The following TMOD2 variants were observed in gnomAD, a reference collection of about 807,000 sequenced individuals.
TMOD2 encodes tropomodulin-2.
TMOD2 carries 22 observed loss-of-function variants against 39.9 expected under a neutral mutation model. The observed-to-expected ratio is 0.55, with a 90% confidence interval of 0.39 to 0.79. TMOD2 has a LOEUF of 0.79. TMOD2 is among the 30% of genes least tolerant of loss of function. The pLI, the probability that TMOD2 is intolerant of heterozygous loss-of-function variation, is 0.00. For missense variants in TMOD2, 386 were observed against 413.3 expected, an observed-to-expected ratio of 0.93 and a Z score of 0.57; for synonymous variants, 123 against 146.1, an observed-to-expected ratio of 0.84 and a Z score of 1.14.
rs574175356 is a variant in TMOD2 at position 51,809,703 on chromosome 15, C to T, written c.*1249C>T. On this transcript the variant is annotated 3_prime_UTR_variant, in exon 10 of 10. Transcript: ENST00000249700. Reference sequence around the variant, plus strand: ...TGTGATTGGTGACATTCTGACACTGCCCAAGGCAACTCACCCTCTATTCCT... The same window carrying T: ...TGTGATTGGTGACATTCTGACACTGTCCAAGGCAACTCACCCTCTATTCCT... 2.6e-5 allele frequency: 4 copies of T among 152,278 alleles called. No individual in the cohort carries two copies. Among genetic ancestry groups the T allele is most frequent in the Non-Finnish European group, 4.4e-5 (3 of 68,018 alleles). The allele number at this position is 152,278 out of a possible 1,614,324, so 9.4% of individuals were successfully genotyped here.
At position 51,812,790 on chromosome 15, in the gene TMOD2, A is replaced by T. The variant is rs2056164476; in HGVS notation, c.*4336A>T. The T allele has an allele frequency of 1.3e-5, 2 of 152,308 alleles. No individual in the cohort carries two copies. Among genetic ancestry groups the T allele is most frequent in the South Asian group, 4.2e-4 (2 of 4,804 alleles). 9.4% of individuals were successfully genotyped at this position (152,308 alleles called of 1,614,324 possible). A position where few individuals can be genotyped will look rare whatever the true frequency, so the allele number is the denominator to read the frequency against. On this transcript the variant is annotated 3_prime_UTR_variant, in exon 10 of 10. Coordinates refer to ENST00000249700, the MANE Select transcript of TMOD2 (RefSeq NM_014548.4). ...GCTTCCTTCCCCTCTTCCACTAATGATGCAATAATAGCTGTTTTCATTTTA... is the reference window on the plus strand; with the variant it reads ...GCTTCCTTCCCCTCTTCCACTAATGTTGCAATAATAGCTGTTTTCATTTTA...
At chr15:51,785,528 G>A (rs890147905) in intron 7 of TMOD2, among the ~76,000 whole-genome samples, 2 of 151,814 alleles carry the variant, frequency 1.3e-5, no homozygotes, top group Non-Finnish European at 2.9e-5. Context: ...CAGCACCATG[G>A]ATGGGACTGG....
chr15:51,790,587 TTGATG>T (rs1172560804), intron 7 of TMOD2, among the ~76,000 whole-genome samples: 2 of 152,198 alleles, frequency 1.3e-5, no homozygotes, highest in Non-Finnish European at 2.9e-5. Context: ...ATGATGAACA[TTGATG>T]TGAAAATCCT....
intron 8 of TMOD2, among the ~76,000 whole-genome samples, chr15:51,800,442 G>A (rs751737761): frequency 1.3e-4 from 20 of 152,096 alleles, no homozygotes; most frequent in Non-Finnish European, 1.9e-4. Context: ...AGGCTGAGGC[G>A]TGAGAATCAC....
In TMOD2 at chr15:51,768,482, G is replaced by A. The variant is rs150122337; in HGVS notation, c.283+64G>A. The A allele has an allele frequency of 5.7e-5, 84 of 1,482,470 alleles. No homozygotes were observed. The African/African-American group carries it at 9.8e-4, about 17-fold the overall frequency. 91.8% of individuals were successfully genotyped at this position (1,482,470 alleles called of 1,614,324 possible). ...TCTCTTTTTTTTTTTTGGAACGGAG[G>A]CACTCTTAATTAAGATTACCTCTTT... On this transcript the variant is annotated intron_variant, in intron 3 of 9. Transcript: ENST00000249700.
In TMOD2 at chr15:51,762,328, G is replaced by A. The variant is rs117173774; in HGVS notation, c.-69-4045G>A. ...AAAAAAAATAGCCCGGCATGGTGGT[G>A]CACACCTGTAGTCCTAGCTACTTAG... is the stretch of plus-strand genomic sequence containing the variant. On this transcript the variant is annotated intron_variant, in intron 1 of 9. Transcript: ENST00000249700. Among the ~76,000 whole-genome samples, 534 of 152,068 alleles carry A rather than the reference G, an allele frequency of 3.5e-3. 21 individuals are homozygous for A. In the East Asian group the frequency reaches 0.075, roughly 21 times the overall value.
rs912178975 is a variant in TMOD2, at chr15:51,810,864, T to C, written c.*2410T>C. ...TGTGGGCTGGGGGCTAAAGCAGTTC[T>C]TGGCAAACTCTGGCAGAAAGCAAGA... On this transcript the variant is annotated 3_prime_UTR_variant, in exon 10 of 10. Transcript: ENST00000249700. 1.3e-5 allele frequency: 2 copies of C among 151,976 alleles called. No homozygotes were observed. The highest frequency in any genetic ancestry group is 1.3e-4 in the Admixed American group (2 of 15,250). 9.4% of individuals were successfully genotyped at this position (151,976 alleles called of 1,614,324 possible). A position where few individuals can be genotyped will look rare whatever the true frequency, so the allele number is the denominator to read the frequency against.
intron 3 of TMOD2, among the ~76,000 whole-genome samples, chr15:51,769,343 C>A (rs1446772328): frequency 6.6e-6 from 1 of 152,092 alleles, no homozygotes; most frequent in East Asian, 1.9e-4. Flanking sequence ...GCACTGCATC[C>A]CTAACCTTAG....
At chr15:51,785,283 G>C (rs1172594725) in intron 7 of TMOD2, among the ~76,000 whole-genome samples, 2 of 151,740 alleles carry the variant, frequency 1.3e-5, no homozygotes, top group African/African-American at 2.4e-5. Flanking sequence ...GCGGTGGCGG[G>C]CGCCTGTAGT....
intron 3 of TMOD2, among the ~76,000 whole-genome samples, chr15:51,769,546 C>A (rs578213536): frequency 6.6e-6 from 1 of 152,270 alleles, no homozygotes; most frequent in South Asian, 2.1e-4. Flanking sequence ...GTTGTTTTTC[C>A]ATGCCAGGAT....
Position 51,816,055 on chromosome 15 carries a change from T to C in TMOD2, c.*7601T>C, listed in dbSNP as rs2056186678. 1 of 152,244 alleles carries C rather than the reference T, an allele frequency of 6.6e-6. No homozygotes were observed. Among genetic ancestry groups the C allele is most frequent in the Non-Finnish European group, 1.5e-5 (1 of 68,034 alleles). 9.4% of individuals were successfully genotyped at this position (152,244 alleles called of 1,614,324 possible). On this transcript the variant is annotated 3_prime_UTR_variant, in exon 10 of 10. Transcript: ENST00000249700. ...ATTAGGGAATTAAAGACTAATTTGC[T>C]TTTTAAATGTGAAGTTGAACACTGT...
At chr15:51,793,425 A>C (rs988207858) in intron 7 of TMOD2, among the ~76,000 whole-genome samples, 1 of 152,214 alleles carries the variant, frequency 6.6e-6, no homozygotes, top group African/African-American at 2.4e-5. Context: ...GCACATTTCA[A>C]ATCAGACTAA....
intron 1 of TMOD2, among the ~76,000 whole-genome samples, chr15:51,765,714 C>T (rs1302979343): frequency 2.0e-5 from 3 of 151,896 alleles, no homozygotes; most frequent in Non-Finnish European, 4.4e-5. Context: ...AGAATGAATA[C>T]GTAGAACAAA....
At chr15:51,773,894 G>C (rs2055870469) in intron 4 of TMOD2, 60 bp downstream of exon 4, 1 of 1,532,910 alleles carries the variant, frequency 6.5e-7, no homozygotes, top group African/African-American at 1.4e-5. Context: ...GCATGCACTG[G>C]CACCCATGGC....
At chr15:51,777,441 A>G (rs1256809939) in intron 5 of TMOD2, among the ~76,000 whole-genome samples, 1 of 152,150 alleles carries the variant, frequency 6.6e-6, no homozygotes, top group Non-Finnish European at 1.5e-5. Flanking sequence ...TTTTTGTCTC[A>G]ATAATAGATG....
In TMOD2 at chr15:51,752,110, C is replaced by A. The variant is rs967283902; in HGVS notation, c.-70+398C>A. 2.6e-5 allele frequency among the ~76,000 whole-genome samples: 4 copies of A among 152,052 alleles called. No individual in the cohort carries two copies. The East Asian group carries it at 7.8e-4, about 30-fold the overall frequency. The stretch of plus-strand genomic sequence containing the variant: ...CCTTCCTGTGCATGTTTGGTGAGCT[C>A]CTGGAGCGGTATGCATCTCCCTGCC... On this transcript the variant is annotated intron_variant, in intron 1 of 9. Coordinates refer to ENST00000249700, the MANE Select transcript of TMOD2 (RefSeq NM_014548.4).
chr15:51,794,225 G>A lies in TMOD2; in HGVS notation c.733-3972G>A, dbSNP rs139762587. Reference sequence around the variant, plus strand: ...ACACAGGACAGCCTCCCACAACAAAGAATTCTTTGGCCCCAAGTGTCAGTC... The same window carrying A: ...ACACAGGACAGCCTCCCACAACAAAAAATTCTTTGGCCCCAAGTGTCAGTC... On this transcript the variant is annotated intron_variant, in intron 7 of 9. Transcript: ENST00000249700. Among the ~76,000 whole-genome samples, 13 of 152,306 alleles carry A rather than the reference G, an allele frequency of 8.5e-5. No homozygotes were observed. The East Asian group carries it at 2.3e-3, about 27-fold the overall frequency.
intron 7 of TMOD2, among the ~76,000 whole-genome samples, chr15:51,791,796 T>C (rs1390058494): frequency 2.0e-5 from 3 of 152,210 alleles, no homozygotes; most frequent in African/African-American, 7.2e-5. Context: ...GAAAACTGGC[T>C]AGCCATATGC....
At chr15:51,808,354 T>C (rs756513904) in intron 9 of TMOD2, 66 bp from the exon 10 acceptor site, 5 of 1,321,134 alleles carry the variant, frequency 3.8e-6, no homozygotes, top group Non-Finnish European at 5.4e-6. Flanking sequence ...GTGATTAATG[T>C]TGTTTATCTG....
Sources: gnomAD v4.1 joint callset for allele counts (sites outside exome capture counted in the v4.1 genomes callset) on GRCh38, gnomAD v4.1.1 for gene constraint, MANE v1.5 for transcripts, NCBI Gene and HGNC (gene_info 2026-07-23, HGNC 2026-07-21) for gene names.